The following SPAG16 variants were observed in gnomAD, a reference collection of about 807,000 sequenced individuals.
SPAG16 encodes sperm-associated antigen 16 protein.
A neutral mutation model predicts 80.4 loss-of-function variants in SPAG16; 86 were observed. The observed-to-expected ratio is 1.07, with a 90% CI of 0.90 to 1.28. The LOEUF (loss-of-function observed/expected upper bound fraction) is 1.28. SPAG16 is among the 50% of genes most tolerant of loss of function. The pLI is 0.00. For missense variants in SPAG16, 870 were observed against 765.3 expected, an observed-to-expected ratio of 1.14 and a Z score of -1.61; for synonymous variants, 294 against 265.9, an observed-to-expected ratio of 1.11 and a Z score of -1.03.
chr2:213,390,540 T>C (rs2067687751), intron 9 of SPAG16, among the ~76,000 whole-genome samples: 2 of 152,156 alleles, frequency 1.3e-5, no homozygotes, highest in South Asian at 4.1e-4. Context: ...TTAATTCAAA[T>C]GTCAAAGGTT....
intron 15 of SPAG16, among the ~76,000 whole-genome samples, chr2:214,228,610 GA>G (rs895325266): frequency 6.6e-6 from 1 of 151,714 alleles, no homozygotes; most frequent in Non-Finnish European, 1.5e-5. Context: ...AAATTTGTGA[GA>G]ATTGCAAACT....
chr2:213,524,908 G>T (rs2075829690), intron 10 of SPAG16, among the ~76,000 whole-genome samples: 1 of 152,166 alleles, frequency 6.6e-6, no homozygotes, highest in African/African-American at 2.4e-5. Flanking sequence ...GGAGGGGCAT[G>T]ATTGTGTTTT....
intron 10 of SPAG16, among the ~76,000 whole-genome samples, chr2:213,741,611 TA>T (rs1559427676): frequency 6.6e-6 from 1 of 152,168 alleles, no homozygotes. Context: ...TTTCAGATTT[TA>T]AAAAATAATT....
chr2:213,660,396 A>ATATG (rs753383467), intron 10 of SPAG16, among the ~76,000 whole-genome samples: 6 of 151,962 alleles, frequency 3.9e-5, no homozygotes, highest in East Asian at 1.9e-4. Context: ...CAGTGTATAC[A>ATATG]TATGTATGTA....
At chr2:214,296,386 T>G (rs892731703) in intron 15 of SPAG16, among the ~76,000 whole-genome samples, 9 of 152,196 alleles carry the variant, frequency 5.9e-5, no homozygotes, top group African/African-American at 1.9e-4. Flanking sequence ...TATAATAACT[T>G]CTTTTCCTTT....
At chr2:213,772,296 C>A (rs1471067576) in intron 10 of SPAG16, among the ~76,000 whole-genome samples, 3 of 151,940 alleles carry the variant, frequency 2.0e-5, no homozygotes, top group Non-Finnish European at 2.9e-5. Flanking sequence ...TGATTTTGTA[C>A]CCTGAGACCA....
At chr2:214,269,423 G>A (rs111667622) in intron 15 of SPAG16, among the ~76,000 whole-genome samples, 3 of 151,952 alleles carry the variant, frequency 2.0e-5, no homozygotes, top group Non-Finnish European at 4.4e-5. Context: ...GAATTGGTGA[G>A]CATAGAATTG....
At chr2:213,429,567 C>T (rs1021547079) in intron 9 of SPAG16, among the ~76,000 whole-genome samples, 3 of 152,184 alleles carry the variant, frequency 2.0e-5, no homozygotes, top group Non-Finnish European at 4.4e-5. Context: ...AATTTACTGG[C>T]AGAAGTGCAT....
At chr2:213,758,316 C>G (rs978028624) in intron 10 of SPAG16, among the ~76,000 whole-genome samples, 1 of 151,694 alleles carries the variant, frequency 6.6e-6, no homozygotes, top group Admixed American at 6.6e-5. Context: ...ACAATTCATA[C>G]AAAAAATTAA....
chr2:214,310,983 A>G (rs1695258965), intron 15 of SPAG16, among the ~76,000 whole-genome samples: 1 of 152,198 alleles, frequency 6.6e-6, no homozygotes, highest in Non-Finnish European at 1.5e-5. Flanking sequence ...GGACACAGCT[A>G]TCCCAAAAAA....
chr2:214,289,387 T>C (rs530005133), intron 15 of SPAG16, among the ~76,000 whole-genome samples: 6 of 152,338 alleles, frequency 3.9e-5, no homozygotes, highest in African/African-American at 1.4e-4. Context: ...GTTTAAGTTT[T>C]TCATGGATCT....
intron 9 of SPAG16, among the ~76,000 whole-genome samples, chr2:213,397,785 C>G (rs1305064390): frequency 1.3e-5 from 2 of 152,114 alleles, no homozygotes; most frequent in Non-Finnish European, 2.9e-5. Flanking sequence ...AGTTCTTGAC[C>G]CTCTGTTGGT....
chr2:213,485,020 G>T (rs192446483), intron 9 of SPAG16, among the ~76,000 whole-genome samples: 1 of 150,780 alleles, frequency 6.6e-6, no homozygotes, highest in Non-Finnish European at 1.5e-5. Context: ...TTGAGACAGC[G>T]TCTCATTCTG....
At chr2:213,395,819 C>G (rs1291840952) in intron 9 of SPAG16, among the ~76,000 whole-genome samples, 1 of 152,174 alleles carries the variant, frequency 6.6e-6, no homozygotes, top group African/African-American at 2.4e-5. Context: ...GATAGAACAT[C>G]ACTTCAATTT....
intron 10 of SPAG16, among the ~76,000 whole-genome samples, chr2:213,601,632 A>G (rs996426183): frequency 6.6e-6 from 1 of 151,806 alleles, no homozygotes; most frequent in Non-Finnish European, 1.5e-5. Flanking sequence ...CTGCATAAAA[A>G]TATTTAGGTC....
intron 10 of SPAG16, among the ~76,000 whole-genome samples, chr2:213,847,561 C>A (rs1402501008): frequency 6.6e-6 from 1 of 152,144 alleles, no homozygotes; most frequent in Non-Finnish European, 1.5e-5. Flanking sequence ...ACGGTCCAAG[C>A]CATTCCTGAT....
At chr2:213,286,339 TA>T (rs1265978830) in intron 1 of SPAG16, among the ~76,000 whole-genome samples, 1 of 152,204 alleles carries the variant, frequency 6.6e-6, no homozygotes, top group Non-Finnish European at 1.5e-5. Context: ...GTTAAACATT[TA>T]ACCAGTTTAT....
chr2:213,319,366 T>G (rs1460672419), intron 5 of SPAG16, among the ~76,000 whole-genome samples: 1 of 151,966 alleles, frequency 6.6e-6, no homozygotes, highest in East Asian at 1.9e-4. Context: ...TATTCAAGTA[T>G]TATCTGTACT....
At chr2:214,314,676 G>T (rs527273635) in intron 15 of SPAG16, among the ~76,000 whole-genome samples, 1 of 152,096 alleles carries the variant, frequency 6.6e-6, no homozygotes, top group African/African-American at 2.4e-5. Context: ...ATAAAGGCAT[G>T]GGCAGGAGAC....
Sources: gnomAD v4.1 joint callset for allele counts (sites outside exome capture counted in the v4.1 genomes callset) on GRCh38, gnomAD v4.1.1 for gene constraint, MANE v1.5 for transcripts, NCBI Gene and HGNC (gene_info 2026-07-23, HGNC 2026-07-21) for gene names.